FLNA: variants seen among roughly 807,000 people sequenced by gnomAD.
FLNA encodes filamin A, also known as filamin-A.
A neutral mutation model predicts 157.6 loss-of-function variants in FLNA; 7 were observed. The observed-to-expected ratio is 0.04, with a 90% CI of 0.03 to 0.08. The LOEUF (loss-of-function observed/expected upper bound fraction) is 0.08, where lower values mean the gene tolerates loss of function less well. Among genes scored for constraint, FLNA ranks in the 10% least tolerant of loss-of-function variants. The pLI, the probability that FLNA is intolerant of heterozygous loss-of-function variation, is 1.00. For synonymous variants in FLNA, 1,103 were observed against 1,060.8 expected, an observed-to-expected ratio of 1.04 and a Z score of -0.77; for missense variants, 1,750 against 2,398.4, an observed-to-expected ratio of 0.73 and a Z score of 5.65.
At chrX:154,360,706 G>A (rs782117784) in intron 21 of FLNA, 119 bp from the exon 22 acceptor site, 7 of 669,199 alleles carry the variant, frequency 1.0e-5, no homozygotes, top group South Asian at 1.0e-4. Context: ...ACAGGGACAC[G>A]GGCGGGCCCA....
intron 28 of FLNA, 45 bp from the exon 29 acceptor site, chrX:154,357,668 G>A (rs782340131): frequency 1.8e-6 from 2 of 1,137,658 alleles, no homozygotes; most frequent in Non-Finnish European, 2.4e-6. Context: ...AGCCCGAGTA[G>A]CCCCGGGCCT....
intron 25 of FLNA, 33 bp downstream of exon 25, chrX:154,359,213 G>T: frequency 8.3e-7 from 1 of 1,211,058 alleles, no homozygotes; most frequent in Non-Finnish European, 1.1e-6. Context: ...CGAGCAGACA[G>T]TCCCAGCCCT....
chrX:154,359,199 G>A, intron 25 of FLNA, 45 bp from the exon 26 acceptor site: 1 of 1,210,572 alleles, frequency 8.3e-7, no homozygotes, highest in Non-Finnish European at 1.1e-6. Context: ...AGACAGGGTG[G>A]GGACGAGCAG....
chrX:154,363,876 AG>A (rs1307934911), intron 15 of FLNA, 145 bp downstream of exon 15: 6 of 614,945 alleles, frequency 9.8e-6, no homozygotes, highest in Non-Finnish European at 1.4e-5. Flanking sequence ...GGATAGGCAA[AG>A]CCACAGCAGA....
Position 154,349,805 on chromosome X carries a change from T to C in FLNA, c.7396A>G (p.Ile2466Val), listed in dbSNP as rs1557175382. 2 of 1,211,523 alleles carry C rather than the reference T, an allele frequency of 1.7e-6. No homozygotes were observed. Among genetic ancestry groups the C allele is most frequent in the Non-Finnish European group, 2.2e-6 (2 of 895,424 alleles). The change falls in exon 46 of 48, where the codon ATT (isoleucine) becomes GTT (valine). Residue 2466 changes from isoleucine (I) to valine (V), a missense_variant. Transcript: ENST00000369850. ...ATCTTCACCTTGGAGGGGCCGTCAATGGTCACCGACAGGGCACCAGCTCCC... is the reference window on the plus strand; with the variant it reads ...ATCTTCACCTTGGAGGGGCCGTCAACGGTCACCGACAGGGCACCAGCTCCC... ...NAGAGALSVT[I>V]DGPSKVKMDC...
At chrX:154,374,092 C>T (rs985130751) in intron 1 of FLNA, among the ~76,000 whole-genome samples, 4 of 112,577 alleles carry the variant, frequency 3.6e-5, no homozygotes, top group Non-Finnish European at 7.5e-5. Context: ...CACGCTGTCC[C>T]CCTCCCAGTG....
At chrX:154,364,768 C>T (rs781994331) in intron 12 of FLNA, 49 bp from the exon 13 acceptor site, 1 of 1,209,714 alleles carries the variant, frequency 8.3e-7, no homozygotes, top group Non-Finnish European at 1.1e-6. Flanking sequence ...TCAGGGTGGG[C>T]CGTCCTTGCC....
chrX:154,365,388 C>T lies in FLNA; in HGVS notation c.1528G>A (p.Ala510Thr), dbSNP rs782698277. 5.8e-6 allele frequency: 7 copies of T among 1,210,664 alleles called. No homozygotes were observed. The highest frequency in any genetic ancestry group is 4.3e-5 in the Admixed American group (2 of 45,990). The change falls in exon 10 of 48, where the codon GCT (alanine) becomes ACT (threonine). Residue 510 changes from alanine to threonine, a missense_variant. Around this residue, in one of 5 missense-constraint regions of FLNA, gnomAD observed 648 missense variants for 805.8 expected, o/e 0.80. Transcript: ENST00000369850. ...GTGACCTTCAGCTCCCCACTGCCAG[C>T]GCCCTTTGTGTACACCTTGAAGTCA... ...TADFKVYTKG[A>T]GSGELKVTVK...
In FLNA at chrX:154,349,441, C is replaced by T. The variant is rs2070815; in HGVS notation, c.7677G>A (p.Lys2559=). Residue 2559 remains lysine (K), a synonymous_variant, in exon 47 of 48, where the codon AAG becomes AAA. Coordinates refer to ENST00000369850, the MANE Select transcript of FLNA (RefSeq NM_001110556.2). ...APGPGPADAS[K]VVAKGLGLSK... is the part of the protein sequence containing the mutation. ...TCAGCCCCAGGCCCTTGGCCACCACCTTGCTGGCGTCAGCAGGCCCAGGAC... is the reference window on the plus strand; with the variant it reads ...TCAGCCCCAGGCCCTTGGCCACCACTTTGCTGGCGTCAGCAGGCCCAGGAC... 36 of 1,211,389 alleles carry T rather than the reference C, an allele frequency of 3.0e-5. 1 individual carries two copies. The East Asian group carries it at 9.2e-4, about 31-fold the overall frequency.
chrX:154,364,013 T>G lies in FLNA; in HGVS notation c.2280+9A>C. On this transcript the variant is annotated intron_variant, in intron 15 of 47. Transcript: ENST00000369850. ...GAGATGGACTAAAGGCCGGTGGAGGTTGGCTCACCCTGAAGGGGCTGTTGG... is the reference window on the plus strand; with the variant it reads ...GAGATGGACTAAAGGCCGGTGGAGGGTGGCTCACCCTGAAGGGGCTGTTGG... 1 of 1,209,495 alleles carries G rather than the reference T, an allele frequency of 8.3e-7. No homozygotes were observed. The highest frequency in any genetic ancestry group is 1.1e-6 in the Non-Finnish European group (1 of 894,139).
chrX:154,357,635 A>T lies in FLNA; in HGVS notation c.4756-12T>A, dbSNP rs782698673. The T allele has an allele frequency of 8.3e-7, 1 of 1,205,872 alleles. No homozygotes were observed. Among genetic ancestry groups the T allele is most frequent in the East Asian group, 3.0e-5 (1 of 33,704 alleles). ...TTGCCTTCGGGATCCTGTGTGGCAG[A>T]GGCAGGGGAGGCAGTTGGCCCAAGC... On this transcript the variant is annotated splice_polypyrimidine_tract_variant and intron_variant, in intron 28 of 47. Coordinates refer to ENST00000369850, the MANE Select transcript of FLNA (RefSeq NM_001110556.2).
At position 154,367,459 on chromosome X, in the gene FLNA, A is replaced by T. The variant is rs782157170; in HGVS notation, c.806T>A (p.Leu269Gln). 1.1e-4 allele frequency: 138 copies of T among 1,211,690 alleles called. No homozygotes were observed. The highest frequency in any genetic ancestry group is 1.5e-4 in the Non-Finnish European group (138 of 895,407). ...TYLSQFPKAK[L>Q]KPGAPLRPKL... ...GGGCCGCAAGGGAGCCCCTGGCTTCAGCTTGGCCTTGGGGAACTGGGACAG... is the reference window on the plus strand; with the variant it reads ...GGGCCGCAAGGGAGCCCCTGGCTTCTGCTTGGCCTTGGGGAACTGGGACAG... Residue 269 changes from leucine to glutamine, a missense_variant, in exon 5 of 48, where the codon CTG (leucine) becomes CAG (glutamine). Coordinates refer to ENST00000369850, the MANE Select transcript of FLNA (RefSeq NM_001110556.2).
At chrX:154,372,092 A>T (rs946450031) in intron 1 of FLNA, among the ~76,000 whole-genome samples, 2 of 111,801 alleles carry the variant, frequency 1.8e-5, no homozygotes, top group Non-Finnish European at 3.8e-5. Flanking sequence ...GCTTCCCTCC[A>T]CCCGGGAGGA....
At chrX:154,356,912 C>A (rs1258276796) in intron 30 of FLNA, among the ~76,000 whole-genome samples, 1 of 112,280 alleles carries the variant, frequency 8.9e-6, no homozygotes, top group East Asian at 2.8e-4. Context: ...ACGCAGGAGC[C>A]CTTGTGCCTC....
chrX:154,368,383 C>T (rs2067779294), intron 2 of FLNA, among the ~76,000 whole-genome samples: 1 of 112,208 alleles, frequency 8.9e-6, no homozygotes, highest in South Asian at 3.7e-4. Context: ...GGGCAGAGGG[C>T]AGACCCAGCC....
rs1240129662 is a variant in FLNA at position 154,348,888 on chromosome X, C to T, written c.7905G>A (p.Glu2635=). ...CGCGGTAGGGGCTGCCTGGGATGTG[C>T]TCGTCCCCCCATTTGACCACCAGTG... The part of the protein sequence containing the change: ...EYTLVVKWGD[E]HIPGSPYRVV... The change falls in exon 48 of 48, where the codon GAG becomes GAA. Residue 2635 remains glutamate, a synonymous_variant. Coordinates refer to ENST00000369850, the MANE Select transcript of FLNA (RefSeq NM_001110556.2). 1 of 1,210,574 alleles carries T rather than the reference C, an allele frequency of 8.3e-7. No homozygotes were observed. Among genetic ancestry groups the T allele is most frequent in the South Asian group, 1.8e-5 (1 of 56,928 alleles).
chrX:154,356,869 T>C (rs1465080417), intron 30 of FLNA, among the ~76,000 whole-genome samples: 3 of 111,967 alleles, frequency 2.7e-5, no homozygotes, highest in African/African-American at 9.7e-5. Flanking sequence ...GGGGCTCCCA[T>C]TGAGTTGGGG....
Position 154,371,301 on chromosome X carries a change from C to T in FLNA, c.-56G>A, listed in dbSNP as rs2067806184. On this transcript the variant is annotated 5_prime_UTR_variant, in exon 2 of 48. Coordinates refer to ENST00000369850, the MANE Select transcript of FLNA (RefSeq NM_001110556.2). ...CTGCAGCCTCGGCGAGGGGACGGCC[C>T]TTTAATTAAAGTCGCAGGCACCTAG... 1.7e-6 allele frequency: 2 copies of T among 1,176,892 alleles called. No individual in the cohort carries two copies. Among genetic ancestry groups the T allele is most frequent in the African/African-American group, 3.5e-5 (2 of 57,475 alleles).
chrX:154,359,114 C>T lies in FLNA; in HGVS notation c.4344G>A (p.Ala1448=), dbSNP rs782529594. Residue 1448 remains alanine, a synonymous_variant, in exon 26 of 48, where the codon GCG becomes GCA. Transcript: ENST00000369850. The part of the protein sequence containing the change: ...FKVPVHDVTD[A]SKVKCSGPGL... ...CGGGCCCAGAGCACTTGACCTTGGA[C>T]GCATCTGTCACATCATGCACAGGGA... 19 of 1,210,008 alleles carry T rather than the reference C, an allele frequency of 1.6e-5. No homozygotes were observed. The East Asian group carries it at 3.0e-4, about 19-fold the overall frequency.
Sources: allele counts gnomAD v4.1 joint callset (sites outside exome capture counted in the v4.1 genomes callset), GRCh38; gene constraint gnomAD v4.1.1; regional missense constraint gnomAD v4.1.1; transcripts MANE v1.5; gene names NCBI Gene and HGNC (gene_info 2026-07-23, HGNC 2026-07-21).